KLHL9: variants seen among roughly 807,000 people sequenced by gnomAD.
KLHL9 encodes kelch-like protein 9.
Under a neutral mutation model 42.3 loss-of-function variants are expected in KLHL9, and 27 were observed. That is an observed-to-expected ratio of 0.64 (90% CI 0.47 to 0.88). The LOEUF (loss-of-function observed/expected upper bound fraction) is 0.88. Among genes scored for constraint, KLHL9 ranks in the 40% least tolerant of loss-of-function variants. The pLI is 0.00. For missense variants in KLHL9, 629 were observed against 750.3 expected, an observed-to-expected ratio of 0.84 and a Z score of 1.89; for synonymous variants, 274 against 254.4, an observed-to-expected ratio of 1.08 and a Z score of -0.73.
chr9:21,331,634 T>C lies in KLHL9; in HGVS notation c.*1372A>G, dbSNP rs906622699. ...ACTCCATTTGCTGATAAAAGTCCCA[T>C]TAAAAATTACCATGTGGTTCTCAAC... On this transcript the variant is annotated 3_prime_UTR_variant, in exon 1 of 1. Coordinates refer to ENST00000359039, the MANE Select transcript of KLHL9 (RefSeq NM_018847.4). 2 of 152,162 alleles carry C rather than the reference T, an allele frequency of 1.3e-5. No homozygotes were observed. The highest frequency in any genetic ancestry group is 2.4e-5 in the African/African-American group (1 of 41,436). 9.4% of individuals were successfully genotyped at this position (152,162 alleles called of 1,614,324 possible).
chr9:21,332,390 G>A lies in KLHL9; in HGVS notation c.*616C>T, dbSNP rs970841030. 3 of 153,128 alleles carry A rather than the reference G, an allele frequency of 2.0e-5. No individual in the cohort carries two copies. Among genetic ancestry groups the A allele is most frequent in the African/African-American group, 7.2e-5 (3 of 41,436 alleles). The allele number at this position is 153,128 out of a possible 1,614,324, so 9.5% of individuals were successfully genotyped here. On this transcript the variant is annotated 3_prime_UTR_variant, in exon 1 of 1. Coordinates refer to ENST00000359039, the MANE Select transcript of KLHL9 (RefSeq NM_018847.4). Reference sequence around the variant, plus strand: ...ATTATGTGTGTGTATACATATGTATGTATGTGTGCATGCATGTATGTTTGT... The same window carrying A: ...ATTATGTGTGTGTATACATATGTATATATGTGTGCATGCATGTATGTTTGT...
chr9:21,335,090 T>G lies in KLHL9; in HGVS notation c.-231A>C. 1 of 587,994 alleles carries G rather than the reference T, an allele frequency of 1.7e-6. No individual in the cohort carries two copies. Among genetic ancestry groups the G allele is most frequent in the Non-Finnish European group, 3.0e-6 (1 of 334,454 alleles). The allele number at this position is 587,994 out of a possible 1,614,324, so 36.4% of individuals were successfully genotyped here. On this transcript the variant is annotated 5_prime_UTR_variant, in exon 1 of 1. Transcript: ENST00000359039. ...CAAATCTGATTATTAGACAGATGAT[T>G]CATCACCTGAAGGCGGTTAAATGAC...
chr9:21,335,189 C>T lies in KLHL9; in HGVS notation c.-330G>A. ...TTCGGGCAAGGAAGAGGCGCCGCCA[C>T]GTACTGTGGCTCCACGGCCCGCTCG... On this transcript the variant is annotated 5_prime_UTR_variant, in exon 1 of 1. In the 5' UTR this introduces an upstream ATG that the reference lacks. Coordinates refer to ENST00000359039, the MANE Select transcript of KLHL9 (RefSeq NM_018847.4). 1 of 508,514 alleles carries T rather than the reference C, an allele frequency of 2.0e-6. No individual in the cohort carries two copies. The highest frequency in any genetic ancestry group is 3.8e-5 in the South Asian group (1 of 26,402). 31.5% of individuals were successfully genotyped at this position (508,514 alleles called of 1,614,324 possible).
In KLHL9 at chr9:21,332,247, T is replaced by C. The variant is rs941719735; in HGVS notation, c.*759A>G. 7 of 152,662 alleles carry C rather than the reference T, an allele frequency of 4.6e-5. No homozygotes were observed. The highest frequency in any genetic ancestry group is 1.4e-4 in the African/African-American group (6 of 41,466). 9.5% of individuals were successfully genotyped at this position (152,662 alleles called of 1,614,324 possible). On this transcript the variant is annotated 3_prime_UTR_variant, in exon 1 of 1. Coordinates refer to ENST00000359039, the MANE Select transcript of KLHL9 (RefSeq NM_018847.4). ...TCTATCTAAATTCAGTATGACTACA[T>C]AGACATTTATTCTCTGGTACTGAAT... is the stretch of plus-strand genomic sequence containing the variant.
rs766409729 is a variant in KLHL9 at position 21,334,754 on chromosome 9, C to T, written c.106G>A (p.Val36Ile). Residue 36 changes from valine to isoleucine, a missense_variant, in exon 1 of 1, where the codon GTA becomes ATA. By Grantham distance (29) the Val-to-Ile change is conservative. Transcript: ENST00000359039. This position sits in a 1 kb window ranked among gnomAD's most constrained non-coding sequence, Gnocchi z 5.1. ...CTAAGCTGATCAAAGCCTTGCAATA[C>T]CACCGAACTGTGAGTATTGCTGGTA... ...FFTSNTHSSV[V>I]LQGFDQLRIE... 3.1e-6 allele frequency: 5 copies of T among 1,612,432 alleles called. No homozygotes were observed. The highest frequency in any genetic ancestry group is 4.2e-6 in the Non-Finnish European group (5 of 1,179,040).
At position 21,334,833 on chromosome 9, in the gene KLHL9, T is replaced by A. The variant is rs774464610; in HGVS notation, c.27A>T (p.Glu9Asp). Residue 9 changes from glutamate (E) to aspartate (D), a missense_variant, in exon 1 of 1, where the codon GAA becomes GAT. By Grantham distance (45) the Glu-to-Asp change is conservative (BLOSUM62 2). Around this residue, in one of 4 missense-constraint regions of KLHL9, gnomAD observed 351 missense variants for 363.1 expected, o/e 0.97. Transcript: ENST00000359039. This position sits in a 1 kb window ranked among gnomAD's most constrained non-coding sequence, Gnocchi z 5.1. Reference protein sequence around the residue: MKVSLGNGEMGVSAHLQPC... With the variant: MKVSLGNGDMGVSAHLQPC... ...GCTGCAAATGGGCAGAGACGCCCAT[T>A]TCGCCGTTACCAAGGGACACTTTCA... 1 of 1,614,150 alleles carries A rather than the reference T, an allele frequency of 6.2e-7. No individual in the cohort carries two copies. The highest frequency in any genetic ancestry group is 1.7e-5 in the Admixed American group (1 of 60,000).
In KLHL9 at chr9:21,330,955, T is replaced by G. The variant is rs1025053567; in HGVS notation, c.*2051A>C. 5.3e-5 allele frequency: 8 copies of G among 152,086 alleles called. No individual in the cohort carries two copies. Among genetic ancestry groups the G allele is most frequent in the African/African-American group, 1.9e-4 (8 of 41,314 alleles). 9.4% of individuals were successfully genotyped at this position (152,086 alleles called of 1,614,324 possible). ...AAAAGACAAATTTGATCTCAAAAAT[T>G]AACTGAACAGCGTTGCCTTTGTAAA... On this transcript the variant is annotated 3_prime_UTR_variant, in exon 1 of 1. Transcript: ENST00000359039.
rs1239269489 is a variant in KLHL9, at chr9:21,331,707, A to C, written c.*1299T>G. On this transcript the variant is annotated 3_prime_UTR_variant, in exon 1 of 1. Coordinates refer to ENST00000359039, the MANE Select transcript of KLHL9 (RefSeq NM_018847.4). ...GAAGAGGCTGAGGGTTGATTTTAGT[A>C]CTGCTTGTAAGACCATAGTGTTCCA... The C allele has an allele frequency of 6.6e-6, 1 of 152,384 alleles. No homozygotes were observed. The highest frequency in any genetic ancestry group is 2.4e-5 in the African/African-American group (1 of 41,454). The allele number at this position is 152,384 out of a possible 1,614,324, so 9.4% of individuals were successfully genotyped here.
chr9:21,332,962 A>G lies in KLHL9; in HGVS notation c.*44T>C. 1 of 1,613,402 alleles carries G rather than the reference A, an allele frequency of 6.2e-7. No homozygotes were observed. ...AAGAAGATACAACTGAAGGGGAAGT[A>G]TTAGATCACCCATGACGTACTGCAA... On this transcript the variant is annotated 3_prime_UTR_variant, in exon 1 of 1. Coordinates refer to ENST00000359039, the MANE Select transcript of KLHL9 (RefSeq NM_018847.4).
chr9:21,330,472 A>G lies in KLHL9; in HGVS notation c.*2534T>C, dbSNP rs1489269797. The G allele has an allele frequency of 6.6e-6, 1 of 152,210 alleles. No individual in the cohort carries two copies. The highest frequency in any genetic ancestry group is 1.5e-5 in the Non-Finnish European group (1 of 68,054). 9.4% of individuals were successfully genotyped at this position (152,210 alleles called of 1,614,324 possible). On this transcript the variant is annotated 3_prime_UTR_variant, in exon 1 of 1. Coordinates refer to ENST00000359039, the MANE Select transcript of KLHL9 (RefSeq NM_018847.4). The stretch of plus-strand genomic sequence containing the variant: ...GTCAGCTACCTGTATGATTACCAAG[A>G]GAACTGTCAACTGCAGAATACGGGA...
In KLHL9 at chr9:21,333,210, A is replaced by G. The variant is rs750157382; in HGVS notation, c.1650T>C (p.Val550=). The change falls in exon 1 of 1, where the codon GTT becomes GTC. Residue 550 remains valine (V), a synonymous_variant. Coordinates refer to ENST00000359039, the MANE Select transcript of KLHL9 (RefSeq NM_018847.4). This position sits in a 1 kb window ranked among gnomAD's most constrained non-coding sequence, Gnocchi z 7.5. ...VAVFENKIYV[V]GGYSWNNRCM... ...AACGATTATTCCAAGAATATCCACC[A>G]ACAACATAGATTTTATTTTCAAAGA... 1.9e-6 allele frequency: 3 copies of G among 1,613,694 alleles called. No individual in the cohort carries two copies. The East Asian group carries it at 6.7e-5, about 36-fold the overall frequency.
rs140933086 is a variant in KLHL9 at position 21,330,020 on chromosome 9, A to G, written c.*2986T>C. On this transcript the variant is annotated 3_prime_UTR_variant, in exon 1 of 1. Coordinates refer to ENST00000359039, the MANE Select transcript of KLHL9 (RefSeq NM_018847.4). ...TTTAAAAAATTACCAGCTTATGAAA[A>G]TAAATCTCTTTCCATTTAATCATTT... 2 of 152,286 alleles carry G rather than the reference A, an allele frequency of 1.3e-5. No individual in the cohort carries two copies. The highest frequency in any genetic ancestry group is 4.8e-5 in the African/African-American group (2 of 41,584). 9.4% of individuals were successfully genotyped at this position (152,286 alleles called of 1,614,324 possible). A position where few individuals can be genotyped will look rare whatever the true frequency, so the allele number is the denominator to read the frequency against.
rs1245442229 is a variant in KLHL9 at position 21,334,055 on chromosome 9, A to C, written c.805T>G (p.Leu269Val). ...FMRTDNTCVN[L>V]LLEASNYQMM... is the part of the protein sequence containing the mutation. ...TGGTAATTGCTAGCTTCCAAAAGCA[A>C]ATTCACGCAGGTATTGTCTGTTCTC... Residue 269 changes from leucine (L) to valine (V), a missense_variant, in exon 1 of 1, where the codon TTG becomes GTG. Coordinates refer to ENST00000359039, the MANE Select transcript of KLHL9 (RefSeq NM_018847.4). This position sits in a 1 kb window ranked among gnomAD's most constrained non-coding sequence, Gnocchi z 5.1. 1 of 1,614,246 alleles carries C rather than the reference A, an allele frequency of 6.2e-7. No homozygotes were observed.
rs1820251195 is a variant in KLHL9 at position 21,335,281 on chromosome 9, G to A, written c.-422C>T. The A allele has an allele frequency of 1.8e-5, 8 of 441,244 alleles. No individual in the cohort carries two copies. Among genetic ancestry groups the A allele is most frequent in the Non-Finnish European group, 1.7e-5 (4 of 241,552 alleles). 27.3% of individuals were successfully genotyped at this position (441,244 alleles called of 1,614,324 possible). On this transcript the variant is annotated 5_prime_UTR_variant, in exon 1 of 1. Transcript: ENST00000359039. ...TCCGCTGTACCTAGAGTGTCGCAGC[G>A]GCCACCGGCCTGTCTTTGAGCAAGG...
At position 21,331,665 on chromosome 9, in the gene KLHL9, G is replaced by A. The variant is rs1820173681; in HGVS notation, c.*1341C>T. The stretch of plus-strand genomic sequence containing the variant: ...ATTACCATGTGGTTCTCAACCAATA[G>A]GGATACCTTTGGCATTGAAGAGGCT... On this transcript the variant is annotated 3_prime_UTR_variant, in exon 1 of 1. Transcript: ENST00000359039. The A allele has an allele frequency of 6.6e-6, 1 of 152,210 alleles. No individual in the cohort carries two copies. Among genetic ancestry groups the A allele is most frequent in the Non-Finnish European group, 1.5e-5 (1 of 68,026 alleles). 9.4% of individuals were successfully genotyped at this position (152,210 alleles called of 1,614,324 possible). A position where few individuals can be genotyped will look rare whatever the true frequency, so the allele number is the denominator to read the frequency against.
rs1483366997 is a variant in KLHL9, at chr9:21,334,668, A to G, written c.192T>C (p.Pro64=). The G allele has an allele frequency of 6.2e-7, 1 of 1,614,214 alleles. No homozygotes were observed. Among genetic ancestry groups the G allele is most frequent in the East Asian group, 2.2e-5 (1 of 44,888 alleles). ...CAGACGCCATCATAGCTCTGTGAAC[A>G]GGGAAGATTTCATCTCCATCACCTG... ...LVPGDGDEIF[P]VHRAMMASAS... The change falls in exon 1 of 1, where the codon CCT becomes CCC. Residue 64 remains proline, a synonymous_variant. Transcript: ENST00000359039. The surrounding 1 kb of genome is among the most constrained non-coding windows in gnomAD (Gnocchi z 5.1).
At position 21,334,146 on chromosome 9, in the gene KLHL9, C is replaced by T; in HGVS notation, c.714G>A (p.Lys238=). The change falls in exon 1 of 1, where the codon AAG becomes AAA. Residue 238 remains lysine (K), a synonymous_variant. Transcript: ENST00000359039. The surrounding 1 kb of genome is among the most constrained non-coding windows in gnomAD (Gnocchi z 5.1). Reference sequence around the variant, plus strand: ...GTGTCATCAGTGGAAATCGAATATTCTTCATTAACTTTGCAGCATAATCCA... The same window carrying T: ...GTGTCATCAGTGGAAATCGAATATTTTTCATTAACTTTGCAGCATAATCCA... ...PRMDYAAKLM[K]NIRFPLMTPQ... is the part of the protein sequence containing the mutation. 1.2e-6 allele frequency: 2 copies of T among 1,614,210 alleles called. No homozygotes were observed. The highest frequency in any genetic ancestry group is 1.7e-6 in the Non-Finnish European group (2 of 1,180,042).
In KLHL9 at chr9:21,334,228, G is replaced by T. The variant is rs762279981; in HGVS notation, c.632C>A (p.Thr211Asn). 3 of 1,614,004 alleles carry T rather than the reference G, an allele frequency of 1.9e-6. No individual in the cohort carries two copies. The highest frequency in any genetic ancestry group is 2.5e-6 in the Non-Finnish European group (3 of 1,180,014). ...GGCTGCCTTAAAGAGTTCAAGTTCG[G>T]TACAGTGCTTAAGACTATTACTGGA... ...VLSSNSLKHC[T>N]ELELFKAACR... The change falls in exon 1 of 1, where the codon ACC (threonine) becomes AAC (asparagine). Residue 211 changes from threonine to asparagine, a missense_variant. By Grantham distance (65) the Thr-to-Asn change is moderately conservative. Transcript: ENST00000359039. This position sits in a 1 kb window ranked among gnomAD's most constrained non-coding sequence, Gnocchi z 5.1.
At position 21,332,895 on chromosome 9, in the gene KLHL9, AC is replaced by A; in HGVS notation, c.*110del. 1 of 1,494,454 alleles carries A rather than the reference AC, an allele frequency of 6.7e-7. No individual in the cohort carries two copies. Among genetic ancestry groups the A allele is most frequent in the East Asian group, 2.4e-5 (1 of 42,370 alleles). The allele number at this position is 1,494,454 out of a possible 1,614,324, so 92.6% of individuals were successfully genotyped here. On this transcript the variant is annotated 3_prime_UTR_variant, in exon 1 of 1. Transcript: ENST00000359039. ...TACTAAAAGCCATACAAGACGAATAACATCAGTTACCTTTATATCTAATAAC... is the reference window on the plus strand; with the variant it reads ...TACTAAAAGCCATACAAGACGAATAAATCAGTTACCTTTATATCTAATAAC...
Sources: allele counts gnomAD v4.1 joint callset, GRCh38; gene constraint gnomAD v4.1.1; regional missense constraint gnomAD v4.1.1; non-coding constraint Gnocchi (gnomAD v3.1); transcripts MANE v1.5; gene names NCBI Gene and HGNC (gene_info 2026-07-23, HGNC 2026-07-21).